Variants in PTCSC3 observed in about 807,000 individuals in gnomAD.
PTCSC3 encodes papillary thyroid carcinoma susceptibility candidate 3.
chr14:36,160,747 T>G (rs1004933975), intron 2 of PTCSC3, among the ~76,000 whole-genome samples: 5 of 152,186 alleles, frequency 3.3e-5, no homozygotes, highest in African/African-American at 1.2e-4. Context: ...TTCTCTGTAT[T>G]TCCTGAATTT....
intron 1 of PTCSC3, among the ~76,000 whole-genome samples, chr14:36,169,359 G>A (rs897444858): frequency 3.3e-5 from 5 of 152,052 alleles, no homozygotes; most frequent in African/African-American, 9.7e-5. Context: ...ACCATTATTC[G>A]TGGTGTCTCA....
At chr14:36,152,880 C>A (rs778590436) in intron 3 of PTCSC3, among the ~76,000 whole-genome samples, 3 of 147,710 alleles carry the variant, frequency 2.0e-5, no homozygotes, top group South Asian at 4.4e-4. Context: ...GGCAACAGAG[C>A]GAGACTCCAT....
At chr14:36,170,477 AT>A (rs1178196496) in intron 1 of PTCSC3, among the ~76,000 whole-genome samples, 2 of 152,082 alleles carry the variant, frequency 1.3e-5, no homozygotes, top group Non-Finnish European at 2.9e-5. Flanking sequence ...TATATACCAT[AT>A]TTTTTCACAT....
intron 2 of PTCSC3, among the ~76,000 whole-genome samples, chr14:36,161,439 C>G (rs974975519): frequency 6.6e-6 from 1 of 152,104 alleles, no homozygotes; most frequent in African/African-American, 2.4e-5. Context: ...GATGTTGATG[C>G]TATTTCTTTC....
intron 1 of PTCSC3, among the ~76,000 whole-genome samples, chr14:36,175,478 TAAG>T: frequency 1.3e-5 from 2 of 152,272 alleles, no homozygotes; most frequent in South Asian, 4.2e-4. Flanking sequence ...GGGAAGAACA[TAAG>T]AACCACAGCA....
At chr14:36,174,572 T>C (rs957016676) in intron 1 of PTCSC3, among the ~76,000 whole-genome samples, 7 of 152,148 alleles carry the variant, frequency 4.6e-5, no homozygotes, top group Non-Finnish European at 1.0e-4. Flanking sequence ...CCTCTAAAAA[T>C]GGTTGTTTCA....
chr14:36,148,697 A>T (rs7152964), intron 3 of PTCSC3, among the ~76,000 whole-genome samples: 2,295 of 151,988 alleles, frequency 0.015, 31 homozygotes, highest in South Asian at 0.032. Flanking sequence ...CCCCCATTCA[A>T]TTTCTTTAAT....
intron 3 of PTCSC3, among the ~76,000 whole-genome samples, chr14:36,141,752 A>T (rs577404909): frequency 5.3e-5 from 8 of 152,260 alleles, no homozygotes; most frequent in African/African-American, 1.9e-4. Context: ...ATTTATATTT[A>T]TACATTTTAT....
At chr14:36,135,911 G>T (rs773369742), downstream of PTCSC3, among the ~76,000 whole-genome samples, 1 of 148,874 alleles carries the variant, frequency 6.7e-6, no homozygotes, top group Non-Finnish European at 1.5e-5. Flanking sequence ...GTGTGTGTGT[G>T]TGTGTATATG....
At chr14:36,146,552 G>C (rs1881573856) in intron 3 of PTCSC3, among the ~76,000 whole-genome samples, 1 of 152,060 alleles carries the variant, frequency 6.6e-6, no homozygotes, top group African/African-American at 2.4e-5. Flanking sequence ...GAGCCTATGT[G>C]TGTCTCTGCA....
chr14:36,148,933 C>A (rs1881658418), intron 3 of PTCSC3, among the ~76,000 whole-genome samples: 1 of 151,988 alleles, frequency 6.6e-6, no homozygotes, highest in African/African-American at 2.4e-5. Flanking sequence ...AAGGGTTTAT[C>A]AATTAGATTG....
At chr14:36,158,986 G>A (rs552742774) in intron 2 of PTCSC3, among the ~76,000 whole-genome samples, 3 of 151,852 alleles carry the variant, frequency 2.0e-5, no homozygotes, top group African/African-American at 4.8e-5. Flanking sequence ...ACTTGGGAGG[G>A]TATATGTGTC....
intron 3 of PTCSC3, among the ~76,000 whole-genome samples, chr14:36,138,749 A>C (rs1234776282): frequency 6.6e-6 from 1 of 152,234 alleles, no homozygotes; most frequent in Non-Finnish European, 1.5e-5. Flanking sequence ...TTTGAAAAAC[A>C]ATTTGGCAGT....
intron 3 of PTCSC3, among the ~76,000 whole-genome samples, chr14:36,147,959 C>T (rs1048704122): frequency 3.9e-5 from 6 of 152,128 alleles, no homozygotes; most frequent in African/African-American, 1.5e-4. Flanking sequence ...GGGGGTGCCT[C>T]CCAGTTAGAC....
At chr14:36,149,418 T>C (rs749749204) in intron 3 of PTCSC3, among the ~76,000 whole-genome samples, 1 of 152,214 alleles carries the variant, frequency 6.6e-6, no homozygotes, top group African/African-American at 2.4e-5. Flanking sequence ...TCTTGGTGAA[T>C]GTTCCCTGTG....
intron 2 of PTCSC3, among the ~76,000 whole-genome samples, chr14:36,162,218 A>G (rs913975389): frequency 7.2e-6 from 1 of 139,516 alleles, no homozygotes; most frequent in Non-Finnish European, 1.5e-5. Context: ...GGGAGTGAAC[A>G]GTTCTGTCTC....
At chr14:36,148,600 G>A (rs1024693277) in intron 3 of PTCSC3, among the ~76,000 whole-genome samples, 2 of 152,188 alleles carry the variant, frequency 1.3e-5, no homozygotes, top group Non-Finnish European at 2.9e-5. Flanking sequence ...TACCTCAGAT[G>A]GAAATGCAGA....
intron 1 of PTCSC3, among the ~76,000 whole-genome samples, chr14:36,175,354 G>A (rs980710210): frequency 5.3e-5 from 8 of 151,924 alleles, no homozygotes; most frequent in Admixed American, 4.6e-4. Context: ...ATTCTGTCCC[G>A]TTTTAGAGTA....
chr14:36,142,580 G>C (rs1056423858), intron 3 of PTCSC3, among the ~76,000 whole-genome samples: 1 of 152,020 alleles, frequency 6.6e-6, no homozygotes, highest in Non-Finnish European at 1.5e-5. Flanking sequence ...TAAATGTTTG[G>C]TAGAATTCAC....
Sources: allele counts gnomAD v4.1 joint callset (sites outside exome capture counted in the v4.1 genomes callset), GRCh38; gene constraint gnomAD v4.1.1; transcripts MANE v1.5; gene names NCBI Gene and HGNC (gene_info 2026-07-23, HGNC 2026-07-21).